TMEM131: variants seen among roughly 807,000 people sequenced by gnomAD.
The protein encoded by TMEM131 is 2610524E03Rik.
In TMEM131, 66 loss-of-function variants were observed where a neutral mutation model predicts 211.6. The observed-to-expected ratio is 0.31, with a 90% CI of 0.26 to 0.38. TMEM131 has a LOEUF of 0.38. Among genes scored for constraint, TMEM131 ranks in the 10% least tolerant of loss-of-function variants. The pLI is 1.00. For synonymous variants in TMEM131, 844 were observed against 841.3 expected (o/e 1.00, Z -0.06); for missense variants, 2,036 against 2,299.3 (o/e 0.89, Z 2.34).
At chr2:97,789,812 A>C (rs1680416810) in intron 31 of TMEM131, among the ~76,000 whole-genome samples, 1 of 152,218 alleles carries the variant, frequency 6.6e-6, no homozygotes, top group Non-Finnish European at 1.5e-5. Context: ...AGAAGTACAG[A>C]ATCTAATGAT....
chr2:97,943,101 G>GAAAGCAAGCAAGCA (rs1553617928), intron 1 of TMEM131, among the ~76,000 whole-genome samples: 1 of 149,422 alleles, frequency 6.7e-6, no homozygotes, highest in Non-Finnish European at 1.5e-5. Flanking sequence ...AAGAAAGAAA[G>GAAAGCAAGCAAGCA]AGCTGGGTGT....
At chr2:97,768,336 G>A (rs1220363283) in intron 33 of TMEM131, among the ~76,000 whole-genome samples, 1 of 152,140 alleles carries the variant, frequency 6.6e-6, no homozygotes, top group South Asian at 2.1e-4. Flanking sequence ...AACCCCAAAG[G>A]CTCCCATAGT....
intron 3 of TMEM131, among the ~76,000 whole-genome samples, chr2:97,903,685 G>A (rs1461240967): frequency 2.7e-5 from 4 of 149,874 alleles, no homozygotes; most frequent in South Asian, 2.1e-4. Flanking sequence ...GGGTTTGTTT[G>A]TTTATTTATT....
intron 2 of TMEM131, among the ~76,000 whole-genome samples, chr2:97,920,439 G>A (rs1676692725): frequency 6.6e-6 from 1 of 152,158 alleles, no homozygotes; most frequent in African/African-American, 2.4e-5. Flanking sequence ...AGCTAGTAAA[G>A]TTAAGGTAAG....
chr2:97,966,450 A>C (rs1318298403), intron 1 of TMEM131, among the ~76,000 whole-genome samples: 1 of 152,198 alleles, frequency 6.6e-6, no homozygotes, highest in Non-Finnish European at 1.5e-5. Context: ...TAAAGAGAAC[A>C]CAATAAATAA....
At chr2:97,839,627 T>C (rs532531906) in intron 7 of TMEM131, among the ~76,000 whole-genome samples, 1 of 152,330 alleles carries the variant, frequency 6.6e-6, no homozygotes, top group South Asian at 2.1e-4. Flanking sequence ...CATACACGCA[T>C]GCACAAGAGA....
At chr2:97,807,088 T>C (rs1308476412) in intron 19 of TMEM131, among the ~76,000 whole-genome samples, 2 of 152,224 alleles carry the variant, frequency 1.3e-5, no homozygotes, top group African/African-American at 4.8e-5. Flanking sequence ...ATGAGTTACA[T>C]GAAATGTTTA....
At position 97,805,399 on chromosome 2, in the gene TMEM131, A is replaced by G. The variant is rs1180336217; in HGVS notation, c.2261T>C (p.Val754Ala). The G allele has an allele frequency of 3.7e-6, 6 of 1,613,938 alleles. No homozygotes were observed. The highest frequency in any genetic ancestry group is 2.2e-5 in the East Asian group (1 of 44,876). ...ACATTTGGATAGAAAAGGCAAGCCA[A>G]CATAGCAATGATCCCCACACTGTAG... is the stretch of plus-strand genomic sequence containing the variant. ...PGLQCGDHCY[V>A]GLPFLSKSEP... Residue 754 changes from valine (V) to alanine (A), a missense_variant, in exon 21 of 41, where the codon GTT becomes GCT. By Grantham distance (64) the Val-to-Ala change is moderately conservative. Transcript: ENST00000186436.
chr2:97,968,303 T>TTA (rs370634028), intron 1 of TMEM131, among the ~76,000 whole-genome samples: 313 of 152,082 alleles, frequency 2.1e-3, no homozygotes, highest in Middle Eastern at 0.021. Context: ...GTTTCCTTTA[T>TTA]TATATATATA....
At position 97,792,582 on chromosome 2, in the gene TMEM131, C is replaced by T. The variant is rs558127026; in HGVS notation, c.3948G>A (p.Pro1316=). 3.0e-5 allele frequency: 49 copies of T among 1,612,776 alleles called. No homozygotes were observed. In the Middle Eastern group the frequency reaches 6.6e-4, roughly 22 times the overall value. The part of the protein sequence containing the change: ...LPPPVPQPQE[P]QPERLSPAPL... Reference sequence around the variant, plus strand: ...GGGCGGGAGACAGCCTTTCAGGCTGCGGCTCCTGGGGCTGAGGCACTGGCG... The same window carrying T: ...GGGCGGGAGACAGCCTTTCAGGCTGTGGCTCCTGGGGCTGAGGCACTGGCG... Residue 1316 remains proline (P), a synonymous_variant, in exon 31 of 41, where the codon CCG becomes CCA. Transcript: ENST00000186436.
chr2:97,830,877 A>C (rs1056115495), intron 11 of TMEM131, among the ~76,000 whole-genome samples: 4 of 152,108 alleles, frequency 2.6e-5, no homozygotes, highest in Non-Finnish European at 4.4e-5. Flanking sequence ...AGGGGAATTT[A>C]AAAAAAAGAT....
chr2:97,821,485 A>G (rs764679943), intron 11 of TMEM131, among the ~76,000 whole-genome samples: 2 of 152,156 alleles, frequency 1.3e-5, no homozygotes, highest in Admixed American at 1.3e-4. Context: ...TTCACTCTTC[A>G]CAATAAATCT....
intron 1 of TMEM131, among the ~76,000 whole-genome samples, chr2:97,932,078 G>T (rs1278535183): frequency 1.3e-5 from 2 of 151,720 alleles, no homozygotes; most frequent in Non-Finnish European, 1.5e-5. Flanking sequence ...GGGGGCAGAG[G>T]TTGCAGTGGG....
At chr2:97,982,697 G>A (rs544204521) in intron 1 of TMEM131, among the ~76,000 whole-genome samples, 29 of 152,282 alleles carry the variant, frequency 1.9e-4, no homozygotes, top group African/African-American at 7.0e-4. Context: ...TTTTGTAGAT[G>A]TGATTAAATT....
At chr2:97,815,796 A>G (rs909434091) in intron 12 of TMEM131, among the ~76,000 whole-genome samples, 3 of 152,166 alleles carry the variant, frequency 2.0e-5, no homozygotes, top group Non-Finnish European at 4.4e-5. Flanking sequence ...CTTGGAGGCA[A>G]AATTACCCCC....
intron 1 of TMEM131, among the ~76,000 whole-genome samples, chr2:97,972,601 C>T (rs903473899): frequency 5.9e-5 from 9 of 152,124 alleles, no homozygotes; most frequent in East Asian, 1.9e-4. Context: ...CACTCCAAGA[C>T]GCCCACATCC....
rs1439111227 is a variant in TMEM131, at chr2:97,756,888, T to C, written c.*211A>G. ...TTGTGGCTGAGTCCAGACTTTTCTC[T>C]AAAAGCACAACAGCAAATCTCATGT... On this transcript the variant is annotated 3_prime_UTR_variant, in exon 41 of 41. Coordinates refer to ENST00000186436, the MANE Select transcript of TMEM131 (RefSeq NM_015348.2). 7.4e-6 allele frequency: 4 copies of C among 542,362 alleles called. No individual in the cohort carries two copies. Among genetic ancestry groups the C allele is most frequent in the Non-Finnish European group, 1.2e-5 (4 of 331,028 alleles). 33.6% of individuals were successfully genotyped at this position (542,362 alleles called of 1,614,324 possible).
At chr2:97,881,140 G>A (rs548541705) in intron 4 of TMEM131, among the ~76,000 whole-genome samples, 8 of 152,242 alleles carry the variant, frequency 5.3e-5, no homozygotes, top group Admixed American at 1.3e-4. Flanking sequence ...TCAGTCCTCC[G>A]GCTAGAACCC....
chr2:97,839,012 A>C (rs1455141942), intron 7 of TMEM131, among the ~76,000 whole-genome samples: 1 of 152,196 alleles, frequency 6.6e-6, no homozygotes, highest in Non-Finnish European at 1.5e-5. Context: ...CAAGCAAACA[A>C]GCATAACAAT....
Sources: allele counts gnomAD v4.1 joint callset (sites outside exome capture counted in the v4.1 genomes callset), GRCh38; gene constraint gnomAD v4.1.1; transcripts MANE v1.5; gene names NCBI Gene and HGNC (gene_info 2026-07-23, HGNC 2026-07-21).